Variants in ERBB4 observed in about 807,000 individuals in gnomAD.
The protein encoded by ERBB4 is receptor tyrosine-protein kinase erbB-4.
ERBB4 carries 42 observed loss-of-function variants against 158.0 expected under a neutral mutation model. The ratio of observed to expected loss-of-function variants is 0.27; its 90% CI spans 0.21 to 0.34. The LOEUF is 0.34. Among genes scored for constraint, ERBB4 ranks in the 10% least tolerant of loss-of-function variants. The probability of loss-of-function intolerance (pLI) is 1.00; values close to 1 mark genes in which losing one functional copy is unlikely to be tolerated. For missense variants in ERBB4, 1,333 were observed against 1,624.1 expected (o/e 0.82, Z 3.08); for synonymous variants, 583 against 558.7 (o/e 1.04, Z -0.61).
intron 1 of ERBB4, among the ~76,000 whole-genome samples, chr2:212,207,264 G>A (rs1408180462): frequency 6.6e-6 from 1 of 152,090 alleles, no homozygotes; most frequent in East Asian, 1.9e-4. Flanking sequence ...AATCTAGCCA[G>A]TTCAGTCACA....
At chr2:212,076,276 TTTG>T (rs1160321653) in intron 2 of ERBB4, among the ~76,000 whole-genome samples, 1 of 151,902 alleles carries the variant, frequency 6.6e-6, no homozygotes, top group Non-Finnish European at 1.5e-5. Context: ...TTTTAGACAA[TTTG>T]TTATTTATTT....
At chr2:212,498,605 A>C (rs996363595) in intron 1 of ERBB4, among the ~76,000 whole-genome samples, 6 of 152,080 alleles carry the variant, frequency 3.9e-5, no homozygotes, top group Admixed American at 3.3e-4. Flanking sequence ...AATTATGATT[A>C]ATTATATTAT....
At chr2:212,527,042 G>A (rs2178575) in intron 1 of ERBB4, among the ~76,000 whole-genome samples, 25,641 of 151,928 alleles carry the variant, frequency 0.17, 2,273 homozygotes, top group African/African-American at 0.23. Flanking sequence ...AGCGAGTCCA[G>A]TAAGCTATAT....
chr2:211,721,785 C>T (rs1192906223), intron 7 of ERBB4, among the ~76,000 whole-genome samples: 22 of 151,972 alleles, frequency 1.4e-4, no homozygotes, highest in Admixed American at 1.4e-3. Flanking sequence ...CTTGCTGCCA[C>T]TTAACTAATT....
At chr2:211,412,073 G>C (rs2063273924) in intron 25 of ERBB4, among the ~76,000 whole-genome samples, 1 of 151,284 alleles carries the variant, frequency 6.6e-6, no homozygotes, top group African/African-American at 2.4e-5. Context: ...ATAGGAATTT[G>C]AGAGCTGTTT....
At chr2:211,634,947 C>T (rs1258442408) in intron 16 of ERBB4, among the ~76,000 whole-genome samples, 1 of 152,184 alleles carries the variant, frequency 6.6e-6, no homozygotes, top group African/African-American at 2.4e-5. Context: ...GCTGGGATTA[C>T]AGGCATGAGC....
chr2:212,222,312 T>C (rs75463961), intron 1 of ERBB4, among the ~76,000 whole-genome samples: 9,515 of 151,594 alleles, frequency 0.063, 352 homozygotes, highest in Non-Finnish European at 0.082. Flanking sequence ...TTGCTGTCAA[T>C]ATATTCTGCT....
At chr2:211,835,809 A>G (rs1218960733) in intron 3 of ERBB4, among the ~76,000 whole-genome samples, 1 of 152,082 alleles carries the variant, frequency 6.6e-6, no homozygotes, top group East Asian at 1.9e-4. Flanking sequence ...TGAGAATACA[A>G]GCAAATATTG....
At chr2:211,867,203 T>G (rs2078232205) in intron 3 of ERBB4, among the ~76,000 whole-genome samples, 1 of 152,162 alleles carries the variant, frequency 6.6e-6, no homozygotes, top group African/African-American at 2.4e-5. Context: ...GATAAGTCAA[T>G]GTAGTTAATA....
chr2:212,393,583 A>T (rs2090941838), intron 1 of ERBB4, among the ~76,000 whole-genome samples: 1 of 152,110 alleles, frequency 6.6e-6, no homozygotes, highest in Non-Finnish European at 1.5e-5. Flanking sequence ...AGAATAGGGT[A>T]TGTGGATGTT....
chr2:212,144,997 A>T (rs1292679278), intron 1 of ERBB4, among the ~76,000 whole-genome samples: 1 of 152,168 alleles, frequency 6.6e-6, no homozygotes, highest in African/African-American at 2.4e-5. Flanking sequence ...TGGGGGAACT[A>T]AAAAAAGCTT....
chr2:211,899,503 C>T (rs537479313), intron 3 of ERBB4, among the ~76,000 whole-genome samples: 11 of 152,164 alleles, frequency 7.2e-5, no homozygotes, highest in South Asian at 4.1e-4. Flanking sequence ...ACAGAAATTA[C>T]GAAACCAATC....
At chr2:211,404,223 G>A (rs2063102884) in intron 25 of ERBB4, among the ~76,000 whole-genome samples, 1 of 151,916 alleles carries the variant, frequency 6.6e-6, no homozygotes, top group African/African-American at 2.4e-5. Flanking sequence ...CTCCCTTGCT[G>A]CCGGTTCCAT....
chr2:211,726,089 TA>T (rs1311662994), intron 5 of ERBB4, among the ~76,000 whole-genome samples: 1 of 152,220 alleles, frequency 6.6e-6, no homozygotes, highest in Non-Finnish European at 1.5e-5. Context: ...GTATGAATTT[TA>T]CAGGATATGT....
intron 20 of ERBB4, among the ~76,000 whole-genome samples, chr2:211,547,414 AATCTT>A (rs1191667232): frequency 6.6e-6 from 1 of 152,098 alleles, no homozygotes; most frequent in Non-Finnish European, 1.5e-5. Flanking sequence ...GAAAAAGGCA[AATCTT>A]ATCTCCAGAT....
chr2:212,409,243 T>C (rs897337413), intron 1 of ERBB4, among the ~76,000 whole-genome samples: 3 of 152,074 alleles, frequency 2.0e-5, no homozygotes, highest in African/African-American at 7.2e-5. Flanking sequence ...TGCACACCCT[T>C]CTCTACCTAC....
intron 1 of ERBB4, among the ~76,000 whole-genome samples, chr2:212,165,098 C>T (rs535226434): frequency 1.4e-4 from 21 of 152,034 alleles, no homozygotes; most frequent in African/African-American, 4.6e-4. Context: ...TCCGTCCCTC[C>T]TGTCTTGTTC....
chr2:211,416,983 G>A (rs1349218658), intron 25 of ERBB4, among the ~76,000 whole-genome samples: 1 of 151,990 alleles, frequency 6.6e-6, no homozygotes, highest in African/African-American at 2.4e-5. Context: ...CACTATTGGA[G>A]CATCTATTCC....
intron 2 of ERBB4, among the ~76,000 whole-genome samples, chr2:211,999,070 C>T (rs533115276): frequency 6.6e-6 from 1 of 151,542 alleles, no homozygotes; most frequent in Admixed American, 6.6e-5. Flanking sequence ...GAACATGTCT[C>T]TCAATAAAGG....
Sources: allele counts gnomAD v4.1 joint callset (sites outside exome capture counted in the v4.1 genomes callset), GRCh38; gene constraint gnomAD v4.1.1; transcripts MANE v1.5; gene names NCBI Gene and HGNC (gene_info 2026-07-23, HGNC 2026-07-21).